ABTB3: variants seen among roughly 807,000 people sequenced by gnomAD.
The protein encoded by ABTB3 is ankyrin repeat and BTB domain containing 3, also known as ankyrin repeat- and BTB/POZ domain-containing protein 3.
chr12:107,621,355 C>T, the ABTB3 span, among the ~76,000 whole-genome samples: 2 of 152,106 alleles, frequency 1.3e-5, no homozygotes, highest in African/African-American at 4.8e-5. Flanking sequence ...ACCAAACTCC[C>T]CACCTGACTT....
At chr12:107,524,950 C>T in the ABTB3 span, among the ~76,000 whole-genome samples, 2 of 152,134 alleles carry the variant, frequency 1.3e-5, no homozygotes, top group Admixed American at 1.3e-4. Flanking sequence ...CAAAGGTTAC[C>T]AATACCTCCC....
the ABTB3 span, among the ~76,000 whole-genome samples, chr12:107,547,934 T>C: frequency 6.6e-6 from 1 of 152,228 alleles, no homozygotes; most frequent in Admixed American, 6.5e-5. Context: ...GGCTCTAAAA[T>C]GCTGTTTTCA....
chr12:107,410,661 A>G, the ABTB3 span, among the ~76,000 whole-genome samples: 7 of 152,156 alleles, frequency 4.6e-5, no homozygotes, highest in Non-Finnish European at 8.8e-5. Flanking sequence ...ATGGAATTCA[A>G]TAAGACATAG....
chr12:107,566,846 A>G, the ABTB3 span, among the ~76,000 whole-genome samples: 1 of 152,174 alleles, frequency 6.6e-6, no homozygotes, highest in East Asian at 1.9e-4. Flanking sequence ...CTGTAATTCC[A>G]GCACACCTGT....
At chr12:107,641,818 G>A in the ABTB3 span, among the ~76,000 whole-genome samples, 136 of 152,314 alleles carry the variant, frequency 8.9e-4, no homozygotes, top group African/African-American at 3.2e-3. Flanking sequence ...GATGGACAGG[G>A]TTTAACAGGC....
At chr12:107,469,936 T>TTC in the ABTB3 span, among the ~76,000 whole-genome samples, 40 of 61,524 alleles carry the variant, frequency 6.5e-4, 2 homozygotes, top group African/African-American at 1.1e-3. Context: ...CTCTCTCTCT[T>TTC]TCTTTCTCTT....
chr12:107,428,062 C>T, the ABTB3 span, among the ~76,000 whole-genome samples: 1 of 152,204 alleles, frequency 6.6e-6, no homozygotes, highest in Admixed American at 6.5e-5. Context: ...AGCCACTTGC[C>T]GCCTCCCAAA....
the ABTB3 span, among the ~76,000 whole-genome samples, chr12:107,380,221 A>T: frequency 6.6e-6 from 1 of 152,118 alleles, no homozygotes; most frequent in South Asian, 2.1e-4. Flanking sequence ...TTATCACCGA[A>T]GATTATGGAA....
the ABTB3 span, among the ~76,000 whole-genome samples, chr12:107,347,171 C>A: frequency 6.6e-6 from 1 of 152,132 alleles, no homozygotes; most frequent in Non-Finnish European, 1.5e-5. Flanking sequence ...AAGTAGTCCT[C>A]CTAACTTGGG....
At chr12:107,519,931 A>G in the ABTB3 span, among the ~76,000 whole-genome samples, 1 of 152,202 alleles carries the variant, frequency 6.6e-6, no homozygotes, top group Non-Finnish European at 1.5e-5. Context: ...TATTCACCAT[A>G]CAAGTTACAA....
the ABTB3 span, among the ~76,000 whole-genome samples, chr12:107,539,430 T>A: frequency 1.2e-4 from 19 of 152,300 alleles, no homozygotes; most frequent in African/African-American, 4.6e-4. Flanking sequence ...TCCTTTTTTT[T>A]TCTTCCTCCC....
chr12:107,593,453 G>A, the ABTB3 span, among the ~76,000 whole-genome samples: 2 of 152,178 alleles, frequency 1.3e-5, no homozygotes, highest in South Asian at 4.1e-4. Context: ...GGTGAAAACT[G>A]TTATGAAGAA....
chr12:107,467,057 G>A, the ABTB3 span, among the ~76,000 whole-genome samples: 35 of 152,290 alleles, frequency 2.3e-4, no homozygotes, highest in African/African-American at 7.9e-4. Flanking sequence ...GAGGATAAAA[G>A]TCAGGGTATT....
At chr12:107,426,411 GATGGTTCT>G in the ABTB3 span, among the ~76,000 whole-genome samples, 6 of 152,162 alleles carry the variant, frequency 3.9e-5, no homozygotes, top group Non-Finnish European at 8.8e-5. Flanking sequence ...TCTGTGCATG[GATGGTTCT>G]AGCCCGAGGC....
chr12:107,614,937 A>T, the ABTB3 span: 1 of 744,504 alleles, frequency 1.3e-6, no homozygotes, highest in Non-Finnish European at 2.2e-6. Context: ...GCTCTTCCCG[A>T]GGCATCTTCC....
the ABTB3 span, among the ~76,000 whole-genome samples, chr12:107,466,367 C>T: frequency 6.6e-6 from 1 of 152,058 alleles, no homozygotes; most frequent in Admixed American, 6.6e-5. Flanking sequence ...AGGTAGGGGA[C>T]CAGGCTGTCC....
the ABTB3 span, among the ~76,000 whole-genome samples, chr12:107,526,208 G>A: frequency 6.6e-6 from 1 of 152,206 alleles, no homozygotes; most frequent in Non-Finnish European, 1.5e-5. Flanking sequence ...TTTGAACTCA[G>A]GGACGTAGAG....
the ABTB3 span, among the ~76,000 whole-genome samples, chr12:107,611,212 A>T: frequency 6.6e-6 from 1 of 151,958 alleles, no homozygotes; most frequent in Admixed American, 6.6e-5. Context: ...AATATTGTTG[A>T]ATATTCTTTT....
At chr12:107,618,491 C>A in the ABTB3 span, 1 of 839,196 alleles carries the variant, frequency 1.2e-6, no homozygotes, top group Non-Finnish European at 1.8e-6. Flanking sequence ...CGCACATGCA[C>A]ACACACGTGC....
Sources: gnomAD v4.1 joint callset for allele counts (sites outside exome capture counted in the v4.1 genomes callset) on GRCh38, gnomAD v4.1.1 for gene constraint, MANE v1.5 for transcripts, NCBI Gene and HGNC (gene_info 2026-07-23, HGNC 2026-07-21) for gene names.